EEF2: variants seen among roughly 807,000 people sequenced by gnomAD.
EEF2 encodes eukaryotic translation elongation factor 2.
In EEF2, 21 loss-of-function variants were observed where a neutral mutation model predicts 85.3. The observed-to-expected ratio is 0.25, with a 90% CI of 0.17 to 0.35. The LOEUF (loss-of-function observed/expected upper bound fraction) is 0.35, where lower values mean the gene tolerates loss of function less well. Ranked by LOEUF, EEF2 falls within the 10% of genes least tolerant of loss-of-function variation. The pLI is 1.00. For missense variants in EEF2, 825 were observed against 1,225.3 expected, an observed-to-expected ratio of 0.67 and a Z score of 4.88; for synonymous variants, 723 against 508.8, an observed-to-expected ratio of 1.42 and a Z score of -5.67.
chr19:3,977,647 A>G lies in EEF2; in HGVS notation c.2068-37T>C. 6.7e-7 allele frequency: 1 copy of G among 1,483,606 alleles called. No individual in the cohort carries two copies. The highest frequency in any genetic ancestry group is 2.2e-4 in the Middle Eastern group (1 of 4,614). The allele number at this position is 1,483,606 out of a possible 1,614,324, so 91.9% of individuals were successfully genotyped here. A position where few individuals can be genotyped will look rare whatever the true frequency, so the allele number is the denominator to read the frequency against. Reference sequence around the variant, plus strand: ...GGAGAGCCACCGTCAAGGGCCGGACACACCTCGGCTGCTTGCCCTCCACCT... The same window carrying G: ...GGAGAGCCACCGTCAAGGGCCGGACGCACCTCGGCTGCTTGCCCTCCACCT... On this transcript the variant is annotated intron_variant, in intron 12 of 14. Coordinates refer to ENST00000309311, the MANE Select transcript of EEF2 (RefSeq NM_001961.4). The surrounding 1 kb of genome is among the most constrained non-coding windows in gnomAD (Gnocchi z 5.4).
Position 3,977,742 on chromosome 19 carries a change from T to C in EEF2, c.2067+77A>G, listed in dbSNP as rs2039695649. On this transcript the variant is annotated intron_variant, in intron 12 of 14. Coordinates refer to ENST00000309311, the MANE Select transcript of EEF2 (RefSeq NM_001961.4). This position sits in a 1 kb window ranked among gnomAD's most constrained non-coding sequence, Gnocchi z 5.4. Reference sequence around the variant, plus strand: ...CGCCTTGGCCCCATTAGGGTCTCTGTCTCGGGAGGCAGGACCATGAGGTCC... The same window carrying C: ...CGCCTTGGCCCCATTAGGGTCTCTGCCTCGGGAGGCAGGACCATGAGGTCC... The C allele has an allele frequency of 1.3e-6, 2 of 1,494,582 alleles. No individual in the cohort carries two copies. The highest frequency in any genetic ancestry group is 8.9e-7 in the Non-Finnish European group (1 of 1,123,868). The allele number at this position is 1,494,582 out of a possible 1,614,324, so 92.6% of individuals were successfully genotyped here.
At chr19:3,981,808 T>A (rs778005454) in intron 6 of EEF2, 139 bp downstream of exon 6, 1 of 775,072 alleles carries the variant, frequency 1.3e-6, no homozygotes, top group African/African-American at 1.7e-5. Context: ...CCACCTCAGT[T>A]AGGAGCTGTG....
intron 1 of EEF2, among the ~76,000 whole-genome samples, 189 bp from the exon 2 acceptor site, chr19:3,984,539 C>T (rs992793283): frequency 1.3e-5 from 2 of 152,204 alleles, no homozygotes; most frequent in African/African-American, 4.8e-5. Context: ...AAGGAACCAC[C>T]GTTAATAGGT....
chr19:3,983,163 G>A lies in EEF2; in HGVS notation c.347C>T (p.Thr116Ile). Residue 116 changes from threonine (T) to isoleucine (I), a missense_variant, in exon 3 of 15, where the codon ACT (threonine) becomes ATT (isoleucine). Thr to Ile is a moderately conservative substitution (Grantham distance 89). Coordinates refer to ENST00000309311, the MANE Select transcript of EEF2 (RefSeq NM_001961.4). Reference protein sequence around the residue: ...PGHVDFSSEVTAALRVTDGAL... With the variant: ...PGHVDFSSEVIAALRVTDGAL... ...GCCATCGGTGACTCGGAGGGCAGCA[G>A]TCACCTCCGAGGAGAAGTCGACATG... 6.2e-7 allele frequency: 1 copy of A among 1,614,122 alleles called. No homozygotes were observed. Among genetic ancestry groups the A allele is most frequent in the Non-Finnish European group, 8.5e-7 (1 of 1,180,012 alleles).
chr19:3,983,584 A>G (rs1011374622), intron 2 of EEF2, among the ~76,000 whole-genome samples: 1 of 152,072 alleles, frequency 6.6e-6, no homozygotes, highest in Admixed American at 6.6e-5. Context: ...TAGCAACTAA[A>G]AGACCCAGCA....
chr19:3,978,368 A>G (rs564827463), intron 11 of EEF2, among the ~76,000 whole-genome samples, 196 bp from the exon 12 acceptor site: 1 of 152,296 alleles, frequency 6.6e-6, no homozygotes, highest in Non-Finnish European at 1.5e-5. Flanking sequence ...CAGGGGCTCC[A>G]CTGAGCTCTC....
chr19:3,981,517 T>C, intron 6 of EEF2, 65 bp from the exon 7 acceptor site: 1 of 1,476,936 alleles, frequency 6.8e-7, no homozygotes, highest in East Asian at 2.3e-5. Flanking sequence ...CTGGCACTGC[T>C]TCCTGCTTGG....
At position 3,980,555 on chromosome 19, in the gene EEF2, G is replaced by A. The variant is rs935678757; in HGVS notation, c.1305C>T (p.Thr435=). The part of the protein sequence containing the change: ...LKVRIMGPNY[T]PGKKEDLYLK... ...GGTAGAGGTCCTCCTTCTTCCCAGG[G>A]GTATAGTTGGGCCCCATGATCCTGA... is the stretch of plus-strand genomic sequence containing the variant. The change falls in exon 9 of 15, where the codon ACC becomes ACT. Residue 435 remains threonine, a synonymous_variant. Transcript: ENST00000309311. 15 of 1,614,076 alleles carry A rather than the reference G, an allele frequency of 9.3e-6. No individual in the cohort carries two copies. Among genetic ancestry groups the A allele is most frequent in the African/African-American group, 8.0e-5 (6 of 74,946 alleles).
intron 6 of EEF2, 134 bp from the exon 7 acceptor site, chr19:3,981,586 T>C: frequency 1.2e-6 from 1 of 832,094 alleles, no homozygotes; most frequent in East Asian, 2.4e-5. Flanking sequence ...CTGGCCTGCC[T>C]ACCACGGGCC....
In EEF2 at chr19:3,984,417, C is replaced by G. The variant is rs1057414187; in HGVS notation, c.4-67G>C. On this transcript the variant is annotated intron_variant, in intron 1 of 14. Transcript: ENST00000309311. ...GGAACACAGCATGGCACGGAGCGTT[C>G]AGTCCAAACGAACCAGCATGCCCAA... 7.1e-6 allele frequency: 11 copies of G among 1,543,590 alleles called. No individual in the cohort carries two copies. The Admixed American group carries it at 8.4e-5, about 12-fold the overall frequency.
At chr19:3,982,688 G>A (rs930469774) in intron 4 of EEF2, 119 bp downstream of exon 4, 9 of 1,227,930 alleles carry the variant, frequency 7.3e-6, no homozygotes, top group East Asian at 2.5e-5. Context: ...CCCCTTCTCT[G>A]TCACCCAACA....
rs1449380747 is a variant in EEF2 at position 3,977,129 on chromosome 19, C to CT, written c.2383+85dup. 1.4e-5 allele frequency: 22 copies of CT among 1,556,160 alleles called. No homozygotes were observed. The highest frequency in any genetic ancestry group is 4.1e-5 in the African/African-American group (3 of 73,732). ...TCACCTGCTCCCATCAGGACGCCTC[C>CT]TTTAACACCTTGCTAAGCTTAACTG... On this transcript the variant is annotated intron_variant, in intron 14 of 14. Coordinates refer to ENST00000309311, the MANE Select transcript of EEF2 (RefSeq NM_001961.4). The surrounding 1 kb of genome is among the most constrained non-coding windows in gnomAD (Gnocchi z 5.4).
chr19:3,982,379 C>T lies in EEF2; in HGVS notation c.658G>A (p.Gly220Arg), dbSNP rs2145364443. The change falls in exon 5 of 15, where the codon GGG becomes AGG. Residue 220 changes from glycine to arginine, a missense_variant. Physicochemically the swap from Gly to Arg is moderately radical, Grantham distance 125. Coordinates refer to ENST00000309311, the MANE Select transcript of EEF2 (RefSeq NM_001961.4). The stretch of plus-strand genomic sequence containing the variant: ...AACTGCTTCAGGGTGAAGGCCCACC[C>T]GTGGAGGCCAGACCCAAAGCCCACG... Reference protein sequence around the residue: ...GTVGFGSGLHGWAFTLKQFAE... With the variant: ...GTVGFGSGLHRWAFTLKQFAE... The T allele has an allele frequency of 6.2e-7, 1 of 1,614,154 alleles. No individual in the cohort carries two copies. The highest frequency in any genetic ancestry group is 1.1e-5 in the South Asian group (1 of 91,088).
chr19:3,984,982 C>T lies in EEF2; in HGVS notation c.3+396G>A, dbSNP rs997208147. 2.8e-4 allele frequency: 22 copies of T among 78,976 alleles called. No homozygotes were observed. In the African/African-American group the frequency reaches 6.9e-3, roughly 25 times the overall value. 4.9% of individuals were successfully genotyped at this position (78,976 alleles called of 1,614,324 possible). A position where few individuals can be genotyped will look rare whatever the true frequency, so the allele number is the denominator to read the frequency against. On this transcript the variant is annotated intron_variant, in intron 1 of 14. Transcript: ENST00000309311. ...TCAGGTGTCGCTTTGCTCGTTCTGC[C>T]ATTCCCTGCCGCCCCTAGTCCCCCG...
Position 3,984,172 on chromosome 19 carries a change from T to C in EEF2, c.182A>G (p.Lys61Arg), listed in dbSNP as rs1211108246. 1 of 1,613,950 alleles carries C rather than the reference T, an allele frequency of 6.2e-7. No individual in the cohort carries two copies. Among genetic ancestry groups the C allele is most frequent in the Non-Finnish European group, 8.5e-7 (1 of 1,180,012 alleles). ...AGETRFTDTR[K>R]DEQERCITIK... is the part of the protein sequence containing the mutation. Reference sequence around the variant, plus strand: ...GGTGATGCAACGCTCCTGCTCGTCCTTCCGGGTATCAGTGAAGCGTGTCTC... The same window carrying C: ...GGTGATGCAACGCTCCTGCTCGTCCCTCCGGGTATCAGTGAAGCGTGTCTC... Residue 61 changes from lysine (K) to arginine (R), a missense_variant, in exon 2 of 15, where the codon AAG (lysine) becomes AGG (arginine). Coordinates refer to ENST00000309311, the MANE Select transcript of EEF2 (RefSeq NM_001961.4).
chr19:3,978,121 C>A lies in EEF2; in HGVS notation c.1765G>T (p.Val589Leu), dbSNP rs35987350. 6.7e-7 allele frequency: 1 copy of A among 1,501,374 alleles called. No individual in the cohort carries two copies. 93.0% of individuals were successfully genotyped at this position (1,501,374 alleles called of 1,614,324 possible). A position where few individuals can be genotyped will look rare whatever the true frequency, so the allele number is the denominator to read the frequency against. The change falls in exon 12 of 15, where the codon GTG (valine) becomes TTG (leucine). Residue 589 changes from valine (V) to leucine (L), a missense_variant. Val to Leu is a conservative substitution (Grantham distance 32). Transcript: ENST00000309311. ...YRETVSEESN[V>L]LCLSKSPNKH... ...TTGGGGGACTTGGAGAGGCAGAGCA[C>A]GTTCGACTCTTCACTGACCGTCTCG...
At chr19:3,981,233 T>C (rs2039742029) in intron 7 of EEF2, 106 bp downstream of exon 7, 2 of 1,186,922 alleles carry the variant, frequency 1.7e-6, no homozygotes. Flanking sequence ...GGGCAGCAGC[T>C]GTCCCTGCCC....
intron 1 of EEF2, 132 bp downstream of exon 1, chr19:3,985,246 C>A: frequency 9.5e-7 from 1 of 1,057,474 alleles, no homozygotes; most frequent in Non-Finnish European, 1.3e-6. Context: ...TTCCCCAGCC[C>A]CGGGTCCTCC....
At chr19:3,982,744 T>A (rs2039770246) in intron 4 of EEF2, 63 bp downstream of exon 4, 1 of 1,535,966 alleles carries the variant, frequency 6.5e-7, no homozygotes, top group Admixed American at 1.9e-5. Context: ...TCAACTCCAC[T>A]CCCCACCGGC....
Sources: allele counts gnomAD v4.1 joint callset (sites outside exome capture counted in the v4.1 genomes callset), GRCh38; gene constraint gnomAD v4.1.1; non-coding constraint Gnocchi (gnomAD v3.1); transcripts MANE v1.5; gene names NCBI Gene and HGNC (gene_info 2026-07-23, HGNC 2026-07-21).